Variants in FGD1 observed in about 807,000 individuals in gnomAD.
FGD1 encodes FYVE, RhoGEF and PH domain containing 1, also known as FYVE, RhoGEF and PH domain-containing protein 1.
In FGD1, 12 loss-of-function variants were observed where a neutral mutation model predicts 65.0. The observed-to-expected ratio is 0.18, with a 90% confidence interval of 0.12 to 0.30. FGD1 has a LOEUF of 0.30. Ranked by LOEUF, FGD1 falls within the 10% of genes least tolerant of loss-of-function variation. The pLI is 1.00. For missense variants in FGD1, 542 were observed against 837.6 expected (o/e 0.65, Z 4.36); for synonymous variants, 333 against 343.9 (o/e 0.97, Z 0.35).
At chrX:54,459,670 C>T (rs756409238) in intron 8 of FGD1, among the ~76,000 whole-genome samples, 2 of 111,107 alleles carry the variant, frequency 1.8e-5, no homozygotes, top group South Asian at 3.8e-4. Flanking sequence ...GATCTTAGTG[C>T]GCATATCTCA....
intron 1 of FGD1, among the ~76,000 whole-genome samples, chrX:54,489,088 A>C (rs867030746): frequency 8.9e-6 from 1 of 112,580 alleles, no homozygotes; most frequent in African/African-American, 3.2e-5. Flanking sequence ...ACAGCAAAAG[A>C]AACTATCAAC....
At chrX:54,454,964 G>A (rs1403568482) in intron 12 of FGD1, among the ~76,000 whole-genome samples, 1 of 112,099 alleles carries the variant, frequency 8.9e-6, no homozygotes, top group Non-Finnish European at 1.9e-5. Context: ...AATATCTAAT[G>A]TTCACTTTAC....
intron 1 of FGD1, among the ~76,000 whole-genome samples, chrX:54,475,762 G>A (rs1355991479): frequency 8.9e-6 from 1 of 112,359 alleles, no homozygotes; most frequent in Admixed American, 9.4e-5. Flanking sequence ...TACTGTCCAT[G>A]GGAAAATAGA....
At position 54,455,877 on chromosome X, in the gene FGD1, A is replaced by G. The variant is rs1364358199; in HGVS notation, c.1843-93T>C. On this transcript the variant is annotated intron_variant, in intron 10 of 17. Coordinates refer to ENST00000375135, the MANE Select transcript of FGD1 (RefSeq NM_004463.3). The stretch of plus-strand genomic sequence containing the variant: ...CTGAAGCTTTACTGCCAAGGACTGT[A>G]GGCAATAGATGGAGAAAAGACAGCC... 4 of 773,982 alleles carry G rather than the reference A, an allele frequency of 5.2e-6. No individual in the cohort carries two copies. The African/African-American group carries it at 8.3e-5, about 16-fold the overall frequency. 63.8% of individuals were successfully genotyped at this position (773,982 alleles called of 1,213,427 possible). A position where few individuals can be genotyped will look rare whatever the true frequency, so the allele number is the denominator to read the frequency against.
chrX:54,456,701 C>T (rs1363170035), intron 8 of FGD1, 134 bp from the exon 9 acceptor site: 10 of 482,580 alleles, frequency 2.1e-5, no homozygotes, highest in Non-Finnish European at 3.1e-5. Flanking sequence ...GGCATGATCA[C>T]GGCTCACCAC....
At position 54,450,273 on chromosome X, in the gene FGD1, G is replaced by C; in HGVS notation, c.2044C>G (p.Gln682Glu). ...RTEEEKKDWV[Q>E]AINSTLLKHE... ...TACCACAGAGCCTTGGATGTTACCT[G>C]GACCCAGTCTTTCTTCTCCTCCTCA... The change falls in exon 13 of 18, where the codon CAG becomes GAG. Residue 682 changes from glutamine (Q) to glutamate (E), a missense_variant and splice_region_variant. Coordinates refer to ENST00000375135, the MANE Select transcript of FGD1 (RefSeq NM_004463.3). 8.3e-7 allele frequency: 1 copy of C among 1,209,866 alleles called. No homozygotes were observed. The highest frequency in any genetic ancestry group is 1.8e-5 in the South Asian group (1 of 56,928).
At chrX:54,468,746 A>C (rs1569541245) in intron 5 of FGD1, 41 bp downstream of exon 5, 1 of 998,102 alleles carries the variant, frequency 1.0e-6, no homozygotes, top group Non-Finnish European at 1.4e-6. Flanking sequence ...AAACGCACCT[A>C]CAAGGTCCTG....
At chrX:54,472,921 G>A (rs931591733) in intron 1 of FGD1, among the ~76,000 whole-genome samples, 1 of 111,293 alleles carries the variant, frequency 9.0e-6, no homozygotes, top group African/African-American at 3.3e-5. Flanking sequence ...GCCACAAAGG[G>A]TCTGTTAGCT....
intron 1 of FGD1, among the ~76,000 whole-genome samples, chrX:54,482,472 A>G (rs1393774864): frequency 8.9e-6 from 1 of 112,105 alleles, no homozygotes; most frequent in Admixed American, 9.4e-5. Context: ...AAGGGAGTGG[A>G]ACTGCAGCTG....
chrX:54,460,592 T>TTAGC (rs1369200257), intron 8 of FGD1, among the ~76,000 whole-genome samples: 1 of 111,112 alleles, frequency 9.0e-6, no homozygotes, highest in Non-Finnish European at 1.9e-5. Flanking sequence ...AATACAAAAT[T>TTAGC]TAGCTAGGCG....
intron 1 of FGD1, among the ~76,000 whole-genome samples, chrX:54,474,349 C>T (rs1436419488): frequency 8.9e-6 from 1 of 112,476 alleles, no homozygotes; most frequent in African/African-American, 3.2e-5. Context: ...CTCCCAGTCC[C>T]GGAGGGAAGA....
Position 54,459,776 on chromosome X carries a change from G to A in FGD1, c.1637-3209C>T, listed in dbSNP as rs959796696. Among the ~76,000 whole-genome samples, 19 of 110,403 alleles carry A rather than the reference G, an allele frequency of 1.7e-4. No homozygotes were observed. In the Admixed American group the frequency reaches 1.8e-3, roughly 10 times the overall value. On this transcript the variant is annotated intron_variant, in intron 8 of 17. Coordinates refer to ENST00000375135, the MANE Select transcript of FGD1 (RefSeq NM_004463.3). ...ACAAAGTTTCATCTTTGGACTTGAT[G>A]TGGGGAGCTCAATCTGGGAGGCTCC...
rs1922135134 is a variant in FGD1 at position 54,445,829 on chromosome X, G to A, written c.*280C>T. 1 of 335,567 alleles carries A rather than the reference G, an allele frequency of 3.0e-6. No individual in the cohort carries two copies. The highest frequency in any genetic ancestry group is 5.1e-6 in the Non-Finnish European group (1 of 195,801). The allele number at this position is 335,567 out of a possible 1,213,427, so 27.7% of individuals were successfully genotyped here. Reference sequence around the variant, plus strand: ...CTGTGGTAGGGTATTGAGGGATGAGGGAGAAAAACGACCTAATTCAGGTAG... The same window carrying A: ...CTGTGGTAGGGTATTGAGGGATGAGAGAGAAAAACGACCTAATTCAGGTAG... On this transcript the variant is annotated 3_prime_UTR_variant, in exon 18 of 18. Transcript: ENST00000375135.
At chrX:54,486,524 G>A (rs1923280930) in intron 1 of FGD1, among the ~76,000 whole-genome samples, 1 of 111,732 alleles carries the variant, frequency 8.9e-6, no homozygotes, top group South Asian at 3.8e-4. Context: ...GGGATTACAG[G>A]CATGAGCCAC....
rs754551359 is a variant in FGD1 at position 54,477,460 on chromosome X, G to A, written c.308-5973C>T. 1.6e-3 allele frequency among the ~76,000 whole-genome samples: 172 copies of A among 108,949 alleles called. 1 individual carries two copies. The highest frequency in any genetic ancestry group is 5.6e-3 in the African/African-American group (167 of 29,715). 94.6% of individuals were successfully genotyped at this position (108,949 alleles called of 115,157 possible). A position where few individuals can be genotyped will look rare whatever the true frequency, so the allele number is the denominator to read the frequency against. ...TTTTTTTTTTTTGAGATGGACTTTC[G>A]CTCTTGTTACCTAGGCTGGAGTACA... On this transcript the variant is annotated intron_variant, in intron 1 of 17. Coordinates refer to ENST00000375135, the MANE Select transcript of FGD1 (RefSeq NM_004463.3).
At chrX:54,448,288 C>T (rs1922289342) in intron 16 of FGD1, among the ~76,000 whole-genome samples, 1 of 109,809 alleles carries the variant, frequency 9.1e-6, no homozygotes. Flanking sequence ...CAGGTTCAAG[C>T]GATTTGCCTG....
intron 8 of FGD1, among the ~76,000 whole-genome samples, chrX:54,461,616 AAAAAAAAAAAG>A (rs1409634090): frequency 3.8e-5 from 4 of 106,222 alleles, no homozygotes; most frequent in Non-Finnish European, 7.7e-5. Flanking sequence ...AAAAAAAAAA[AAAAAAAAAAAG>A]AAAAAGAAAA....
At chrX:54,467,671 A>G in intron 6 of FGD1, 113 bp downstream of exon 6, 1 of 884,481 alleles carries the variant, frequency 1.1e-6, no homozygotes, top group East Asian at 3.4e-5. Flanking sequence ...TCCTTTTTCA[A>G]AAGTCACTAA....
At position 54,445,854 on chromosome X, in the gene FGD1, G is replaced by A; in HGVS notation, c.*255C>T. The A allele has an allele frequency of 8.0e-6, 3 of 375,959 alleles. No homozygotes were observed. Among genetic ancestry groups the A allele is most frequent in the Non-Finnish European group, 1.4e-5 (3 of 219,212 alleles). 31.0% of individuals were successfully genotyped at this position (375,959 alleles called of 1,213,427 possible). A position where few individuals can be genotyped will look rare whatever the true frequency, so the allele number is the denominator to read the frequency against. ...GGAGAAAAACGACCTAATTCAGGTA[G>A]GACTGGCAACGGCTCCCACCCTCCC... On this transcript the variant is annotated 3_prime_UTR_variant, in exon 18 of 18. Transcript: ENST00000375135.
Sources: allele counts gnomAD v4.1 joint callset (sites outside exome capture counted in the v4.1 genomes callset), GRCh38; gene constraint gnomAD v4.1.1; transcripts MANE v1.5; gene names NCBI Gene and HGNC (gene_info 2026-07-23, HGNC 2026-07-21).